Variants in CFAP299 observed in about 807,000 individuals in gnomAD.
CFAP299 encodes the protein cilia- and flagella-associated protein 299.
A neutral mutation model predicts 27.0 loss-of-function variants in CFAP299; 21 were observed. The ratio of observed to expected loss-of-function variants is 0.78; its 90% CI spans 0.55 to 1.12. The LOEUF is 1.12. Ranked by LOEUF, CFAP299 falls within the 50% of genes most tolerant of loss-of-function variation. CFAP299 has a pLI of 0.00. For missense variants in CFAP299, 310 were observed against 276.6 expected, an observed-to-expected ratio of 1.12 and a Z score of -0.86; for synonymous variants, 104 against 98.1, an observed-to-expected ratio of 1.06 and a Z score of -0.36.
At chr4:80,577,857 C>T (rs1735951179) in intron 2 of CFAP299, among the ~76,000 whole-genome samples, 1 of 152,130 alleles carries the variant, frequency 6.6e-6, no homozygotes. Flanking sequence ...TAAGTTTCTA[C>T]TTTAACAGTT....
intron 5 of CFAP299, 83 bp from the exon 6 acceptor site, chr4:80,963,434 A>T: frequency 1.3e-6 from 1 of 768,420 alleles, no homozygotes; most frequent in Non-Finnish European, 2.0e-6. Context: ...TCTGCAATAT[A>T]AAGCAAAAAA....
At chr4:80,859,450 G>A (rs370676378) in intron 3 of CFAP299, among the ~76,000 whole-genome samples, 24 of 151,434 alleles carry the variant, frequency 1.6e-4, no homozygotes, top group East Asian at 3.9e-4. Flanking sequence ...TGAACCTGTC[G>A]TTATGATGTT....
At chr4:80,325,215 C>T in the CFAP299 span, among the ~76,000 whole-genome samples, 1 of 152,198 alleles carries the variant, frequency 6.6e-6, no homozygotes. Context: ...TCACACAGTA[C>T]ATATTTGTGT....
At position 80,526,863 on chromosome 4, in the gene CFAP299, A is replaced by G. The variant is rs1036953248; in HGVS notation, c.243-56230A>G. ...GAGCCTAATATCTATTTCTTGAACA[A>G]ATACATATGTAAGGTTTTATTTTAG... On this transcript the variant is annotated intron_variant, in intron 2 of 5. Transcript: ENST00000358105. 2.0e-5 allele frequency among the ~76,000 whole-genome samples: 3 copies of G among 152,290 alleles called. No individual in the cohort carries two copies. The East Asian group carries it at 5.8e-4, about 29-fold the overall frequency.
chr4:80,681,359 G>C (rs1482876552), intron 3 of CFAP299, among the ~76,000 whole-genome samples: 1 of 152,168 alleles, frequency 6.6e-6, no homozygotes, highest in African/African-American at 2.4e-5. Context: ...AAGACAAGCT[G>C]TACCCAGGTG....
At chr4:80,527,294 G>GT (rs1022460212) in intron 2 of CFAP299, among the ~76,000 whole-genome samples, 68 of 149,966 alleles carry the variant, frequency 4.5e-4, no homozygotes, top group African/African-American at 1.5e-3. Context: ...CATATTGGAG[G>GT]TTTTTTTTTA....
chr4:80,516,043 G>T (rs145550817), intron 2 of CFAP299, among the ~76,000 whole-genome samples: 2 of 141,752 alleles, frequency 1.4e-5, no homozygotes, highest in African/African-American at 5.2e-5. Flanking sequence ...TTTTTGAGAC[G>T]GAGTCTTACT....
chr4:80,654,418 C>A (rs1227187863), intron 3 of CFAP299, among the ~76,000 whole-genome samples: 1 of 152,076 alleles, frequency 6.6e-6, no homozygotes, highest in African/African-American at 2.4e-5. Flanking sequence ...TTCCTTTCTT[C>A]AGCCTTTAGG....
intron 1 of CFAP299, among the ~76,000 whole-genome samples, chr4:80,356,442 C>T (rs550384779): frequency 1.2e-4 from 18 of 152,238 alleles, no homozygotes; most frequent in South Asian, 4.1e-4. Context: ...GCCATTTTCA[C>T]GACATTGATT....
intron 2 of CFAP299, among the ~76,000 whole-genome samples, chr4:80,559,883 TGAAA>T (rs1734955463): frequency 1.3e-5 from 2 of 152,102 alleles, no homozygotes; most frequent in Non-Finnish European, 2.9e-5. Flanking sequence ...CAAGTAAACT[TGAAA>T]GACAGTCTAG....
chr4:80,647,668 G>T (rs1267151432), intron 3 of CFAP299, among the ~76,000 whole-genome samples: 1 of 148,880 alleles, frequency 6.7e-6, no homozygotes, highest in East Asian at 2.0e-4. Context: ...ATTCACATTT[G>T]TTTCCACACA....
intron 3 of CFAP299, among the ~76,000 whole-genome samples, chr4:80,616,234 C>G (rs1738268416): frequency 6.6e-6 from 1 of 152,024 alleles, no homozygotes; most frequent in Non-Finnish European, 1.5e-5. Context: ...CCTTGTGATC[C>G]CAGGCCTTCT....
intron 3 of CFAP299, among the ~76,000 whole-genome samples, chr4:80,695,950 G>C (rs897528419): frequency 1.3e-5 from 2 of 151,978 alleles, no homozygotes; most frequent in Non-Finnish European, 2.9e-5. Flanking sequence ...GCGCCCAGCT[G>C]TTTTCTTAAA....
intron 4 of CFAP299, among the ~76,000 whole-genome samples, chr4:80,912,876 G>A (rs936896568): frequency 9.2e-5 from 14 of 152,132 alleles, no homozygotes; most frequent in Non-Finnish European, 1.9e-4. Flanking sequence ...AGCTCCTAGA[G>A]TCTTGTTGTG....
intron 2 of CFAP299, among the ~76,000 whole-genome samples, chr4:80,575,696 GC>G (rs34828009): frequency 0.63 from 95,227 of 151,632 alleles, 33,257 homozygotes; most frequent in Non-Finnish European, 0.77. Flanking sequence ...TTTTGCTCTT[GC>G]TTTTATAGTT....
chr4:80,800,569 TTAATATAAATATATAA>T lies in CFAP299; in HGVS notation c.334-69421_334-69406del. Among the ~76,000 whole-genome samples, 27 of 71,384 alleles carry T rather than the reference TTAATATAAATATATAA, an allele frequency of 3.8e-4. 1 individual carries two copies. Among genetic ancestry groups the T allele is most frequent in the African/African-American group, 1.7e-3 (26 of 15,602 alleles). 46.8% of individuals were successfully genotyped at this position (71,384 alleles called of 152,430 possible). The stretch of plus-strand genomic sequence containing the variant: ...ATATATCAATATATTATATAATATA[TTAATATAAATATATAA>T]TATATAATATATTAATATAAATATA... On this transcript the variant is annotated intron_variant, in intron 3 of 5. Transcript: ENST00000358105.
intron 3 of CFAP299, among the ~76,000 whole-genome samples, chr4:80,805,569 T>A (rs991736386): frequency 3.3e-5 from 5 of 152,022 alleles, no homozygotes; most frequent in African/African-American, 1.2e-4. Flanking sequence ...TTGGGCTGGG[T>A]GCAGTGGCTT....
chr4:80,687,566 G>C (rs1720287444), intron 3 of CFAP299, among the ~76,000 whole-genome samples: 1 of 152,134 alleles, frequency 6.6e-6, no homozygotes, highest in Admixed American at 6.5e-5. Context: ...GCATGTACAT[G>C]CTTTGTAAAT....
intron 1 of CFAP299, among the ~76,000 whole-genome samples, chr4:80,341,193 G>C (rs1722432516): frequency 6.6e-6 from 1 of 152,216 alleles, no homozygotes; most frequent in Non-Finnish European, 1.5e-5. Flanking sequence ...ATCTCTTCCT[G>C]GGAAAGAGCC....
Sources: allele counts gnomAD v4.1 joint callset (sites outside exome capture counted in the v4.1 genomes callset), GRCh38; gene constraint gnomAD v4.1.1; transcripts MANE v1.5; gene names NCBI Gene and HGNC (gene_info 2026-07-23, HGNC 2026-07-21).